TRPM8: variants seen among roughly 807,000 people sequenced by gnomAD.
The protein encoded by TRPM8 is transient receptor potential cation channel subfamily M member 8, also known as TRPM8 cationic channel.
In TRPM8, 110 loss-of-function variants were observed where a neutral mutation model predicts 133.7. That is an observed-to-expected ratio of 0.82 (90% confidence interval 0.70 to 0.96). TRPM8 has a LOEUF of 0.96. Among genes scored for constraint, TRPM8 ranks in the 40% least tolerant of loss-of-function variants. The pLI, the probability that TRPM8 is intolerant of heterozygous loss-of-function variation, is 0.00. For synonymous variants in TRPM8, 535 were observed against 532.3 expected (o/e 1.01, Z -0.07); for missense variants, 1,291 against 1,379.5 (o/e 0.94, Z 1.02).
chr2:233,990,010 A>T (rs1692235149), intron 21 of TRPM8, among the ~76,000 whole-genome samples: 1 of 152,262 alleles, frequency 6.6e-6, no homozygotes, highest in South Asian at 2.1e-4. Flanking sequence ...TAATATAAAC[A>T]TGCAGAAAAG....
intron 17 of TRPM8, among the ~76,000 whole-genome samples, chr2:233,972,426 G>A (rs1052777394): frequency 8.5e-5 from 13 of 152,360 alleles, no homozygotes; most frequent in African/African-American, 2.6e-4. Flanking sequence ...CCCGCACCGC[G>A]GCTGCAGGTG....
chr2:233,955,342 C>T, intron 11 of TRPM8, 92 bp downstream of exon 11: 1 of 867,862 alleles, frequency 1.2e-6, no homozygotes. Flanking sequence ...GTCTTCAATA[C>T]CAAATCTCTT....
At chr2:234,010,526 A>C (rs575252412) in intron 24 of TRPM8, among the ~76,000 whole-genome samples, 2 of 152,248 alleles carry the variant, frequency 1.3e-5, no homozygotes, top group Admixed American at 1.3e-4. Flanking sequence ...TCATATGATA[A>C]TTGTATTTTT....
At chr2:234,008,750 C>A (rs1692759770) in intron 24 of TRPM8, among the ~76,000 whole-genome samples, 2 of 152,088 alleles carry the variant, frequency 1.3e-5, no homozygotes, top group South Asian at 4.2e-4. Flanking sequence ...AGACAGGACC[C>A]CATCTGGTTT....
chr2:233,974,731 A>G (rs1691823239), intron 17 of TRPM8, among the ~76,000 whole-genome samples: 1 of 152,158 alleles, frequency 6.6e-6, no homozygotes, highest in South Asian at 2.1e-4. Context: ...TGGAAGAGGC[A>G]CGGCATCTGT....
At chr2:233,943,035 A>T in intron 6 of TRPM8, 1 of 472,296 alleles carries the variant, frequency 2.1e-6, no homozygotes, top group Non-Finnish European at 3.7e-6. Flanking sequence ...GCTTACATCC[A>T]TCTCAGGCGG....
At chr2:233,984,450 C>T (rs1177704344) in intron 20 of TRPM8, among the ~76,000 whole-genome samples, 2 of 152,202 alleles carry the variant, frequency 1.3e-5, no homozygotes, top group African/African-American at 4.8e-5. Context: ...CTGCTGCCAC[C>T]GTCCACACAG....
chr2:233,952,234 G>A (rs1269892956), intron 9 of TRPM8, among the ~76,000 whole-genome samples: 1 of 152,198 alleles, frequency 6.6e-6, no homozygotes, highest in Non-Finnish European at 1.5e-5. Flanking sequence ...GAAACAGTCT[G>A]TGTCCTCTTA....
In TRPM8 at chr2:233,991,382, T is replaced by G. The variant is rs554250455; in HGVS notation, c.2940-4944T>G. Among the ~76,000 whole-genome samples the G allele has an allele frequency of 6.1e-4, 93 of 152,314 alleles. 1 individual carries two copies. Among genetic ancestry groups the G allele is most frequent in the African/African-American group, 2.0e-3 (83 of 41,556 alleles). On this transcript the variant is annotated intron_variant, in intron 21 of 25. Transcript: ENST00000324695. ...GTTGTTGGCTTTGTACCTGCTTTTT[T>G]GATGTTGCAGAATGAGAGGGGAACC...
intron 15 of TRPM8, among the ~76,000 whole-genome samples, chr2:233,968,801 G>A (rs184628617): frequency 2.4e-4 from 36 of 152,194 alleles, no homozygotes; most frequent in Admixed American, 9.2e-4. Context: ...GAGCTACTGT[G>A]AGTTTTCTAA....
chr2:233,929,326 A>G (rs148664491), intron 2 of TRPM8, among the ~76,000 whole-genome samples: 3 of 152,334 alleles, frequency 2.0e-5, no homozygotes, highest in African/African-American at 7.2e-5. Flanking sequence ...TTGGGAAGAT[A>G]AGGCACGTGG....
chr2:233,966,246 T>C, intron 14 of TRPM8: 1 of 102,240 alleles, frequency 9.8e-6, no homozygotes, highest in Non-Finnish European at 2.0e-5. Context: ...TACGGGGGGG[T>C]CGGGGGGCGG....
Position 233,920,751 on chromosome 2 carries a change from T to C in TRPM8, c.-6+3319T>C, listed in dbSNP as rs1574682121. Among the ~76,000 whole-genome samples, 6 of 152,146 alleles carry C rather than the reference T, an allele frequency of 3.9e-5. No homozygotes were observed. In the South Asian group the frequency reaches 1.2e-3, roughly 32 times the overall value. On this transcript the variant is annotated intron_variant, in intron 1 of 25. Transcript: ENST00000324695. ...AAGCATAGAGAGGGTCTGTGTACTC[T>C]TCACCCAGTTCCCCTCAATGGTGAC...
At chr2:233,985,594 A>G in intron 20 of TRPM8, 94 bp from the exon 21 acceptor site, 1 of 1,247,900 alleles carries the variant, frequency 8.0e-7, no homozygotes, top group Non-Finnish European at 1.1e-6. Context: ...AAGACATTTC[A>G]TGACCACTGA....
At chr2:234,005,783 C>G (rs564349707) in intron 22 of TRPM8, among the ~76,000 whole-genome samples, 4 of 151,878 alleles carry the variant, frequency 2.6e-5, no homozygotes, top group Admixed American at 2.6e-4. Context: ...TGGTGGTATG[C>G]GCTTGTAGTC....
chr2:233,931,452 G>A (rs910564068), intron 3 of TRPM8, among the ~76,000 whole-genome samples: 2 of 152,208 alleles, frequency 1.3e-5, no homozygotes, highest in African/African-American at 2.4e-5. Context: ...AGTTTATAAT[G>A]AAAAGACTCT....
intron 2 of TRPM8, among the ~76,000 whole-genome samples, chr2:233,929,538 C>T (rs747179068): frequency 2.6e-5 from 4 of 152,180 alleles, no homozygotes; most frequent in Non-Finnish European, 5.9e-5. Context: ...GTAAAGTTGT[C>T]TGAGAACTCC....
chr2:233,972,294 G>T (rs950565532), intron 17 of TRPM8, among the ~76,000 whole-genome samples: 1 of 152,244 alleles, frequency 6.6e-6, no homozygotes, highest in Non-Finnish European at 1.5e-5. Context: ...TGATTGGTGT[G>T]TTTACAAACC....
In TRPM8 at chr2:233,989,466, T is replaced by C. The variant is rs1047924086; in HGVS notation, c.2939+3601T>C. ...AGCTCCGGCTTAAACCAGAGGCCTT[T>C]TCCTGGCTAATACCTGTCTGGGGAC... On this transcript the variant is annotated intron_variant, in intron 21 of 25. Coordinates refer to ENST00000324695, the MANE Select transcript of TRPM8 (RefSeq NM_024080.5). This position sits in a 1 kb window ranked among gnomAD's most constrained non-coding sequence, Gnocchi z 4.2. Among the ~76,000 whole-genome samples, 5 of 152,214 alleles carry C rather than the reference T, an allele frequency of 3.3e-5. No homozygotes were observed. The highest frequency in any genetic ancestry group is 1.2e-4 in the African/African-American group (5 of 41,452).
Sources: gnomAD v4.1 joint callset for allele counts (sites outside exome capture counted in the v4.1 genomes callset) on GRCh38, gnomAD v4.1.1 for gene constraint, Gnocchi (gnomAD v3.1) non-coding constraint, MANE v1.5 for transcripts, NCBI Gene and HGNC (gene_info 2026-07-23, HGNC 2026-07-21) for gene names.